The following SPECC1 variants were observed in gnomAD, a reference collection of about 807,000 sequenced individuals.
The protein encoded by SPECC1 is sperm antigen with calponin homology and coiled-coil domains 1, also known as cytospin-B.
SPECC1 carries 62 observed loss-of-function variants against 104.1 expected under a neutral mutation model. The observed-to-expected ratio is 0.60, with a 90% CI of 0.49 to 0.74. The LOEUF (loss-of-function observed/expected upper bound fraction) is 0.74. Among genes scored for constraint, SPECC1 ranks in the 30% least tolerant of loss-of-function variants. SPECC1 has a pLI of 0.00. For missense variants in SPECC1, 1,306 were observed against 1,310.5 expected (o/e 1.00, Z 0.05); for synonymous variants, 513 against 501.6 (o/e 1.02, Z -0.30).
At chr17:20,018,119 G>C (rs890842767) in intron 1 of SPECC1, 5 of 152,202 alleles carry the variant, frequency 3.3e-5, no homozygotes, top group African/African-American at 1.2e-4. Flanking sequence ...ACCTTGTCAG[G>C]TTCTACCTCT....
chr17:20,104,287 C>T (rs1223818633), intron 2 of SPECC1, among the ~76,000 whole-genome samples: 2 of 152,182 alleles, frequency 1.3e-5, no homozygotes, highest in Non-Finnish European at 2.9e-5. Flanking sequence ...CTAATCAGCC[C>T]AGACAGTGTG....
At chr17:20,214,664 C>A (rs1021981821) in intron 4 of SPECC1, among the ~76,000 whole-genome samples, 1 of 152,124 alleles carries the variant, frequency 6.6e-6, no homozygotes, top group Non-Finnish European at 1.5e-5. Context: ...CCTGCCACCA[C>A]GCCCAGCTAA....
chr17:20,239,680 A>G (rs183326455), intron 7 of SPECC1, among the ~76,000 whole-genome samples: 28 of 152,110 alleles, frequency 1.8e-4, no homozygotes, highest in African/African-American at 5.5e-4. Context: ...TCAAAATACT[A>G]TTGCTGCTCT....
At chr17:20,075,438 G>C (rs533326070) in intron 1 of SPECC1, among the ~76,000 whole-genome samples, 1 of 152,110 alleles carries the variant, frequency 6.6e-6, no homozygotes, top group East Asian at 1.9e-4. Context: ...GCTCTGATAC[G>C]GCATTTCAGT....
intron 3 of SPECC1, among the ~76,000 whole-genome samples, chr17:20,182,119 C>CTTTCTTT (rs1555622301): frequency 7.3e-6 from 1 of 136,580 alleles, no homozygotes; most frequent in African/African-American, 2.8e-5. Flanking sequence ...CTTTCTTTTT[C>CTTTCTTT]TTTTTTTTTT....
chr17:20,202,153 A>G (rs2036473711), intron 3 of SPECC1, among the ~76,000 whole-genome samples: 1 of 152,256 alleles, frequency 6.6e-6, no homozygotes, highest in African/African-American at 2.4e-5. Context: ...TTATAACTGC[A>G]TACAATTAAC....
At chr17:20,299,436 T>G (rs1379057522) in intron 13 of SPECC1, among the ~76,000 whole-genome samples, 4 of 151,374 alleles carry the variant, frequency 2.6e-5, no homozygotes, top group African/African-American at 7.3e-5. Flanking sequence ...GGCGCACATC[T>G]GAGATCCCAG....
chr17:20,278,346 G>A (rs1056784954), intron 12 of SPECC1, among the ~76,000 whole-genome samples: 1 of 152,202 alleles, frequency 6.6e-6, no homozygotes, highest in South Asian at 2.1e-4. Flanking sequence ...GAGGATAAGA[G>A]CAGAGGCTTA....
chr17:20,216,051 T>C (rs1282646263), intron 4 of SPECC1, among the ~76,000 whole-genome samples: 1 of 152,262 alleles, frequency 6.6e-6, no homozygotes, highest in East Asian at 1.9e-4. Flanking sequence ...CAGATATTTT[T>C]ATATTCACTT....
At chr17:20,076,570 CCT>C (rs1340075206) in intron 1 of SPECC1, among the ~76,000 whole-genome samples, 4 of 152,068 alleles carry the variant, frequency 2.6e-5, no homozygotes, top group African/African-American at 7.2e-5. Context: ...TTAACTATTC[CCT>C]GTTTTTTAAA....
intron 12 of SPECC1, among the ~76,000 whole-genome samples, chr17:20,294,625 C>T (rs967099384): frequency 4.2e-5 from 4 of 95,796 alleles, no homozygotes; most frequent in Admixed American, 1.1e-4. Flanking sequence ...AAGGTAATGA[C>T]GACGGTGGTG....
At position 20,085,907 on chromosome 17, in the gene SPECC1, C is replaced by T. The variant is rs530511752; in HGVS notation, c.-21-10724C>T. Among the ~76,000 whole-genome samples, 7 of 152,330 alleles carry T rather than the reference C, an allele frequency of 4.6e-5. 1 individual carries two copies. The highest frequency in any genetic ancestry group is 1.9e-4 in the East Asian group (1 of 5,182). On this transcript the variant is annotated intron_variant, in intron 1 of 14. Transcript: ENST00000395527. The stretch of plus-strand genomic sequence containing the variant: ...GCAGATGTGAGTTAGGGCCATGCGG[C>T]GATGATCCAGGTTTTGTTCCTGCAT...
At chr17:20,224,521 T>G (rs1249423153) in intron 4 of SPECC1, among the ~76,000 whole-genome samples, 2 of 152,050 alleles carry the variant, frequency 1.3e-5, no homozygotes, top group African/African-American at 4.8e-5. Flanking sequence ...TCTGCTTGGT[T>G]CTTTATTTTA....
In SPECC1 at chr17:20,307,061, A is replaced by T. The variant is rs368758443; in HGVS notation, c.3117+979A>T. 4.6e-5 allele frequency among the ~76,000 whole-genome samples: 7 copies of T among 152,324 alleles called. No individual in the cohort carries two copies. In the East Asian group the frequency reaches 1.3e-3, roughly 29 times the overall value. Reference sequence around the variant, plus strand: ...CTAGAAATGAAAAATTGGAATTAAGACCACAATATGTGTTGCCAAACTCAT... The same window carrying T: ...CTAGAAATGAAAAATTGGAATTAAGTCCACAATATGTGTTGCCAAACTCAT... On this transcript the variant is annotated intron_variant, in intron 14 of 14. Transcript: ENST00000395527.
chr17:20,251,223 T>G lies in SPECC1; in HGVS notation c.2599-2282T>G, dbSNP rs1272055827. Among the ~76,000 whole-genome samples the G allele has an allele frequency of 6.8e-4, 10 of 14,742 alleles. No individual in the cohort carries two copies. In the African/African-American group the frequency reaches 0.018, roughly 26 times the overall value. The allele number at this position is 14,742 out of a possible 152,430, so 9.7% of individuals were successfully genotyped here. A position where few individuals can be genotyped will look rare whatever the true frequency, so the allele number is the denominator to read the frequency against. On this transcript the variant is annotated intron_variant, in intron 9 of 14. Coordinates refer to ENST00000395527, the MANE Select transcript of SPECC1 (RefSeq NM_001243439.2). ...CTGGGCGACAGAGTAAGACTCTATC[T>G]CAAAAAAAAAAAAAAAAAGCATATG...
intron 1 of SPECC1, among the ~76,000 whole-genome samples, chr17:20,037,729 A>G (rs1187558148): frequency 1.3e-5 from 2 of 152,122 alleles, no homozygotes. Flanking sequence ...TTGCTTCTTG[A>G]GAGTTAAAAA....
intron 1 of SPECC1, among the ~76,000 whole-genome samples, chr17:20,026,172 CTTAA>C (rs1410915758): frequency 6.6e-6 from 1 of 151,214 alleles, no homozygotes; most frequent in African/African-American, 2.4e-5. Context: ...TGTGGGTTGT[CTTAA>C]TTTTCTTTTT....
chr17:20,069,690 A>G (rs931143805), intron 1 of SPECC1, among the ~76,000 whole-genome samples: 2 of 152,194 alleles, frequency 1.3e-5, no homozygotes, highest in Admixed American at 6.5e-5. Flanking sequence ...CCATTGGTCT[A>G]TATGACTGTC....
chr17:20,306,997 C>G (rs554718623), intron 14 of SPECC1, among the ~76,000 whole-genome samples: 1 of 152,152 alleles, frequency 6.6e-6, no homozygotes, highest in South Asian at 2.1e-4. Context: ...AAGAATGATT[C>G]TATTTAAAAA....
Sources: gnomAD v4.1 joint callset for allele counts (sites outside exome capture counted in the v4.1 genomes callset) on GRCh38, gnomAD v4.1.1 for gene constraint, MANE v1.5 for transcripts, NCBI Gene and HGNC (gene_info 2026-07-23, HGNC 2026-07-21) for gene names.